The following GCN1 variants were observed in gnomAD, a reference collection of about 807,000 sequenced individuals.
GCN1 encodes GCN1 activator of EIF2AK4.
A neutral mutation model predicts 288.4 loss-of-function variants in GCN1; 90 were observed. The observed-to-expected ratio is 0.31, with a 90% confidence interval of 0.26 to 0.37. GCN1 has a LOEUF of 0.37. Ranked by LOEUF, GCN1 falls within the 10% of genes least tolerant of loss-of-function variation. The pLI is 1.00. For missense variants in GCN1, 2,586 were observed against 3,419.9 expected, an observed-to-expected ratio of 0.76 and a Z score of 6.08; for synonymous variants, 1,386 against 1,420.2, an observed-to-expected ratio of 0.98 and a Z score of 0.54.
At position 120,174,066 on chromosome 12, in the gene GCN1, A is replaced by G; in HGVS notation, c.1192+5T>C. ...ACGCATGCTCACCATGTTGCACAGA[A>G]TTACCTTCCTGCTGAAGGAACGGGA... On this transcript the variant is annotated splice_donor_5th_base_variant and intron_variant, in intron 13 of 57. Coordinates refer to ENST00000300648, the MANE Select transcript of GCN1 (RefSeq NM_006836.2). 2 of 1,544,058 alleles carry G rather than the reference A, an allele frequency of 1.3e-6. No individual in the cohort carries two copies. Among genetic ancestry groups the G allele is most frequent in the Non-Finnish European group, 1.8e-6 (2 of 1,116,190 alleles).
chr12:120,130,324 G>T (rs1280783323), intron 56 of GCN1, among the ~76,000 whole-genome samples: 2 of 152,182 alleles, frequency 1.3e-5, no homozygotes, highest in Non-Finnish European at 2.9e-5. Flanking sequence ...GAAAAGAGAG[G>T]TATTAAGATG....
chr12:120,183,454 A>G, intron 5 of GCN1, 115 bp downstream of exon 5: 1 of 722,012 alleles, frequency 1.4e-6, no homozygotes, highest in Non-Finnish European at 2.5e-6. Context: ...GACAACTCAG[A>G]GTGTCTGGTC....
At position 120,150,026 on chromosome 12, in the gene GCN1, C is replaced by G; in HGVS notation, c.4327G>C (p.Glu1443Gln). 6.2e-7 allele frequency: 1 copy of G among 1,614,060 alleles called. No homozygotes were observed. Among genetic ancestry groups the G allele is most frequent in the East Asian group, 2.2e-5 (1 of 44,884 alleles). The stretch of plus-strand genomic sequence containing the variant: ...TTCCCCAGCATGGTGCAGAGCATCT[C>G]GAAGGCAAAGAGGGCTCCTAGGGGA... ...RRREGALFAFEMLCTMLGKLF... is the reference protein window; with the variant it reads ...RRREGALFAFQMLCTMLGKLF... Residue 1443 changes from glutamate (E) to glutamine (Q), a missense_variant, in exon 35 of 58, where the codon GAG becomes CAG. Around this residue, in one of 8 missense-constraint regions of GCN1, gnomAD observed 371 missense variants for 572.6 expected, o/e 0.65. Coordinates refer to ENST00000300648, the MANE Select transcript of GCN1 (RefSeq NM_006836.2).
rs1877766288 is a variant in GCN1, at chr12:120,156,925, G to A, written c.3155C>T (p.Ser1052Leu). 1.9e-6 allele frequency: 3 copies of A among 1,610,374 alleles called. No homozygotes were observed. Among genetic ancestry groups the A allele is most frequent in the South Asian group, 1.1e-5 (1 of 91,030 alleles). ...AAACCACATCACCTGTAAGCGAGGC[G>A]AGCCCGTCCCGATCACCCAAGTCAG... ...RLLTWVIGTGSPRLQVLASDT... is the reference protein window; with the variant it reads ...RLLTWVIGTGLPRLQVLASDT... The change falls in exon 27 of 58, where the codon TCG becomes TTG. Residue 1052 changes from serine to leucine, a missense_variant. Ser to Leu is a moderately radical substitution (Grantham distance 145). Around this residue, in one of 8 missense-constraint regions of GCN1, gnomAD observed 153 missense variants for 252.0 expected, o/e 0.61. Transcript: ENST00000300648. This position sits in a 1 kb window ranked among gnomAD's most constrained non-coding sequence, Gnocchi z 5.8.
rs780990636 is a variant in GCN1, at chr12:120,153,734, A to AC, written c.3867+9dup. 1 of 1,612,444 alleles carries AC rather than the reference A, an allele frequency of 6.2e-7. No homozygotes were observed. Among genetic ancestry groups the AC allele is most frequent in the African/African-American group, 1.3e-5 (1 of 74,752 alleles). ...TTCCCGTGGGTGTTCCCTGGCTGGGACCCCCTTACCTTCCCATGAGTGTTG... is the reference window on the plus strand; with the variant it reads ...TTCCCGTGGGTGTTCCCTGGCTGGGACCCCCCTTACCTTCCCATGAGTGTTG... On this transcript the variant is annotated intron_variant, in intron 32 of 57. Transcript: ENST00000300648. This position sits in a 1 kb window ranked among gnomAD's most constrained non-coding sequence, Gnocchi z 4.4.
intron 53 of GCN1, among the ~76,000 whole-genome samples, chr12:120,133,500 C>T (rs191279953): frequency 6.6e-6 from 1 of 152,258 alleles, no homozygotes; most frequent in African/African-American, 2.4e-5. Context: ...GTCTCACCCT[C>T]GAAAATAGAC....
In GCN1 at chr12:120,127,266, T is replaced by C. The variant is rs1876648339; in HGVS notation, c.*583A>G. 1 of 152,692 alleles carries C rather than the reference T, an allele frequency of 6.5e-6. No homozygotes were observed. The highest frequency in any genetic ancestry group is 2.4e-5 in the African/African-American group (1 of 41,458). The allele number at this position is 152,692 out of a possible 1,614,324, so 9.5% of individuals were successfully genotyped here. On this transcript the variant is annotated 3_prime_UTR_variant, in exon 58 of 58. Transcript: ENST00000300648. Reference sequence around the variant, plus strand: ...GTGGAGATTTTTAAAAATCTGTTTATATCAAGATTAAATCAAAGCCTTTAT... The same window carrying C: ...GTGGAGATTTTTAAAAATCTGTTTACATCAAGATTAAATCAAAGCCTTTAT...
Position 120,142,866 on chromosome 12 carries a change from A to G in GCN1, c.5571T>C (p.Thr1857=), listed in dbSNP as rs1877243797. The G allele has an allele frequency of 2.5e-6, 4 of 1,613,674 alleles. No homozygotes were observed. The highest frequency in any genetic ancestry group is 3.4e-6 in the Non-Finnish European group (4 of 1,179,646). Residue 1857 remains threonine (T), a synonymous_variant, in exon 43 of 58, where the codon ACT becomes ACC. Transcript: ENST00000300648. This position sits in a 1 kb window ranked among gnomAD's most constrained non-coding sequence, Gnocchi z 4.9. The part of the protein sequence containing the change: ...SGVTGKMTTE[T]ASEDDNFGTA... ...TTCCAAAGTTATCATCCTCAGAGGCAGTTTCTGTGGTCATCTTCCCAGTGA... is the reference window on the plus strand; with the variant it reads ...TTCCAAAGTTATCATCCTCAGAGGCGGTTTCTGTGGTCATCTTCCCAGTGA...
In GCN1 at chr12:120,130,641, C is replaced by G. The variant is rs372666086; in HGVS notation, c.7671+5G>C. On this transcript the variant is annotated splice_donor_5th_base_variant and intron_variant, in intron 56 of 57. Coordinates refer to ENST00000300648, the MANE Select transcript of GCN1 (RefSeq NM_006836.2). ...GGCTTAAACACATGCTTGGCCCCCA[C>G]TCACCTTAACGAACAGGCTGGAAAG... The G allele has an allele frequency of 6.3e-6, 10 of 1,598,252 alleles. No individual in the cohort carries two copies. The East Asian group carries it at 2.0e-4, about 32-fold the overall frequency.
intron 16 of GCN1, among the ~76,000 whole-genome samples, chr12:120,165,051 ATTTTT>A (rs60284535): frequency 7.0e-6 from 1 of 142,156 alleles, no homozygotes; most frequent in African/African-American, 2.6e-5. Context: ...ATATATATAT[ATTTTT>A]TTTTTTGAGA....
rs898834180 is a variant in GCN1, at chr12:120,188,513, A to G, written c.121+1785T>C. Reference sequence around the variant, plus strand: ...CTTTATTGGCCAATCACCTACTACCATGGTGCTGACTTCCACGGAACACAG... The same window carrying G: ...CTTTATTGGCCAATCACCTACTACCGTGGTGCTGACTTCCACGGAACACAG... On this transcript the variant is annotated intron_variant, in intron 2 of 57. Transcript: ENST00000300648. 3.3e-5 allele frequency among the ~76,000 whole-genome samples: 5 copies of G among 151,456 alleles called. No homozygotes were observed. In the East Asian group the frequency reaches 9.7e-4, roughly 29 times the overall value.
chr12:120,185,234 T>C (rs1878783897), intron 2 of GCN1, among the ~76,000 whole-genome samples: 1 of 152,202 alleles, frequency 6.6e-6, no homozygotes, highest in South Asian at 2.1e-4. Flanking sequence ...CAGTGAGCTG[T>C]TCCATTAGGA....
intron 31 of GCN1, among the ~76,000 whole-genome samples, chr12:120,154,405 G>A (rs143894490): frequency 3.9e-5 from 6 of 152,320 alleles, no homozygotes; most frequent in Non-Finnish European, 8.8e-5. Context: ...AAGGCCTCAC[G>A]GGAGTGGACA....
intron 16 of GCN1, 123 bp downstream of exon 16, chr12:120,168,085 C>A: frequency 2.8e-6 from 2 of 706,886 alleles, no homozygotes; most frequent in East Asian, 2.6e-5. Flanking sequence ...AAGCTGTTGG[C>A]CAGATCACTC....
intron 15 of GCN1, among the ~76,000 whole-genome samples, chr12:120,169,897 C>G (rs1566313759): frequency 1.3e-5 from 2 of 152,182 alleles, no homozygotes; most frequent in African/African-American, 4.8e-5. Context: ...CTGAAACAAA[C>G]AGTCCCAATA....
In GCN1 at chr12:120,137,406, T is replaced by C. The variant is rs1316087715; in HGVS notation, c.6664-87A>G. ...TATATGGGGAAAGCGTGGGCGGGAG[T>C]ATAAACAAGACTTGCCACGAGTGGG... On this transcript the variant is annotated intron_variant, in intron 49 of 57. Transcript: ENST00000300648. The surrounding 1 kb of genome is among the most constrained non-coding windows in gnomAD (Gnocchi z 5.2). 3 of 1,411,236 alleles carry C rather than the reference T, an allele frequency of 2.1e-6. No individual in the cohort carries two copies. The highest frequency in any genetic ancestry group is 3.5e-4 in the Middle Eastern group (2 of 5,664). The allele number at this position is 1,411,236 out of a possible 1,614,324, so 87.4% of individuals were successfully genotyped here.
chr12:120,180,614 A>C (rs867280754), intron 5 of GCN1, among the ~76,000 whole-genome samples: 5 of 151,978 alleles, frequency 3.3e-5, no homozygotes, highest in Admixed American at 1.3e-4. Flanking sequence ...AAAAAAAAAC[A>C]AACAAAAATC....
chr12:120,186,201 T>C (rs531278295), intron 2 of GCN1, among the ~76,000 whole-genome samples: 1 of 152,058 alleles, frequency 6.6e-6, no homozygotes, highest in Non-Finnish European at 1.5e-5. Context: ...TACCTGGGCA[T>C]GGTGGCACGT....
At position 120,127,760 on chromosome 12, in the gene GCN1, C is replaced by G. The variant is rs1421581953; in HGVS notation, c.*89G>C. 1 of 1,418,994 alleles carries G rather than the reference C, an allele frequency of 7.0e-7. No individual in the cohort carries two copies. The highest frequency in any genetic ancestry group is 1.4e-5 in the African/African-American group (1 of 70,484). The allele number at this position is 1,418,994 out of a possible 1,614,324, so 87.9% of individuals were successfully genotyped here. A position where few individuals can be genotyped will look rare whatever the true frequency, so the allele number is the denominator to read the frequency against. ...AATACTTTCTGGGAACGCCATCTTC[C>G]AAGCTCCCCATTGGAACAAATGTAT... is the stretch of plus-strand genomic sequence containing the variant. On this transcript the variant is annotated 3_prime_UTR_variant, in exon 58 of 58. Transcript: ENST00000300648.
Sources: allele counts gnomAD v4.1 joint callset (sites outside exome capture counted in the v4.1 genomes callset), GRCh38; gene constraint gnomAD v4.1.1; regional missense constraint gnomAD v4.1.1; non-coding constraint Gnocchi (gnomAD v3.1); transcripts MANE v1.5; gene names NCBI Gene and HGNC (gene_info 2026-07-23, HGNC 2026-07-21).